The following STARD13 variants were observed in gnomAD, a reference collection of about 807,000 sequenced individuals.
STARD13 encodes the protein StAR related lipid transfer domain containing 13.
In STARD13, 62 loss-of-function variants were observed where a neutral mutation model predicts 106.4. The ratio of observed to expected loss-of-function variants is 0.58; its 90% CI spans 0.48 to 0.72. The LOEUF (loss-of-function observed/expected upper bound fraction) is 0.72, where lower values mean the gene tolerates loss of function less well. STARD13 is among the 30% of genes least tolerant of loss of function. The pLI is 0.00. For missense variants in STARD13, 1,387 were observed against 1,424.0 expected (o/e 0.97, Z 0.42); for synonymous variants, 565 against 553.0 (o/e 1.02, Z -0.31).
chr13:33,621,834 C>T, the STARD13 span, among the ~76,000 whole-genome samples: 7,061 of 149,966 alleles, frequency 0.047, 518 homozygotes, highest in African/African-American at 0.16. Context: ...GACGAAGTCT[C>T]GCTCTTGTCA....
At chr13:33,613,079 C>G in the STARD13 span, among the ~76,000 whole-genome samples, 1 of 152,194 alleles carries the variant, frequency 6.6e-6, no homozygotes, top group Non-Finnish European at 1.5e-5. Flanking sequence ...CTGCTGCATC[C>G]TGGCATGCAC....
At chr13:33,119,967 T>A (rs1407235991) in intron 7 of STARD13, among the ~76,000 whole-genome samples, 1 of 152,178 alleles carries the variant, frequency 6.6e-6, no homozygotes, top group Non-Finnish European at 1.5e-5. Flanking sequence ...GGTGAGTGAT[T>A]ATTGGGGTGA....
the STARD13 span, among the ~76,000 whole-genome samples, chr13:33,635,804 G>A: frequency 1.3e-5 from 2 of 149,768 alleles, no homozygotes; most frequent in African/African-American, 2.5e-5. Flanking sequence ...CCAATGTGGC[G>A]ACACCCCGTC....
At chr13:33,333,923 C>T (rs2077865393) in intron 1 of STARD13, 1 of 152,160 alleles carries the variant, frequency 6.6e-6, no homozygotes, top group South Asian at 2.1e-4. Context: ...TCAAACTTGT[C>T]ACTAAGGAGA....
At chr13:33,363,212 C>T in the STARD13 span, among the ~76,000 whole-genome samples, 2 of 152,208 alleles carry the variant, frequency 1.3e-5, no homozygotes, top group Non-Finnish European at 2.9e-5. Flanking sequence ...CTTAATCAGT[C>T]CTTTTTCTTG....
the STARD13 span, among the ~76,000 whole-genome samples, chr13:33,421,477 C>T: frequency 6.6e-6 from 1 of 152,110 alleles, no homozygotes; most frequent in Non-Finnish European, 1.5e-5. Flanking sequence ...CAAAAAATGT[C>T]CAGGACCAGA....
At chr13:33,461,579 C>A in the STARD13 span, among the ~76,000 whole-genome samples, 2 of 152,100 alleles carry the variant, frequency 1.3e-5, no homozygotes, top group Non-Finnish European at 2.9e-5. Flanking sequence ...GGTATTTTTG[C>A]CTGCTAGGAA....
At chr13:33,610,527 G>T in the STARD13 span, among the ~76,000 whole-genome samples, 1 of 152,204 alleles carries the variant, frequency 6.6e-6, no homozygotes, top group Non-Finnish European at 1.5e-5. Context: ...CTGCGCCTGC[G>T]CTGAGCCTCC....
chr13:33,521,237 T>A, the STARD13 span, among the ~76,000 whole-genome samples: 1 of 152,114 alleles, frequency 6.6e-6, no homozygotes, highest in Non-Finnish European at 1.5e-5. Context: ...AATTTATGGC[T>A]GAAATAGGGT....
At chr13:33,442,398 A>G in the STARD13 span, among the ~76,000 whole-genome samples, 1 of 152,252 alleles carries the variant, frequency 6.6e-6, no homozygotes, top group Non-Finnish European at 1.5e-5. Flanking sequence ...TGAAAGTCAG[A>G]TTACTTGATT....
chr13:33,262,562 C>A (rs1414873802), intron 1 of STARD13, among the ~76,000 whole-genome samples: 1 of 151,838 alleles, frequency 6.6e-6, no homozygotes, highest in Non-Finnish European at 1.5e-5. Flanking sequence ...ACAATTATCT[C>A]CAAAATTACA....
the STARD13 span, among the ~76,000 whole-genome samples, chr13:33,540,284 G>A: frequency 2.6e-5 from 4 of 152,138 alleles, no homozygotes; most frequent in African/African-American, 7.2e-5. Context: ...TCCTTAAGTC[G>A]AGAACTTTCA....
At chr13:33,163,589 CAAA>C (rs577772737) in intron 3 of STARD13, among the ~76,000 whole-genome samples, 1,949 of 53,636 alleles carry the variant, frequency 0.036, 46 homozygotes, top group East Asian at 0.085. Flanking sequence ...GACTCTGTCT[CAAA>C]AAAAAAAAAA....
chr13:33,162,046 T>C (rs1211229125), intron 3 of STARD13, among the ~76,000 whole-genome samples: 1 of 152,140 alleles, frequency 6.6e-6, no homozygotes, highest in Non-Finnish European at 1.5e-5. Context: ...CAAGATGAGA[T>C]TTGGGTGGGG....
the STARD13 span, among the ~76,000 whole-genome samples, chr13:33,608,979 G>A: frequency 1.1e-4 from 17 of 150,800 alleles, no homozygotes; most frequent in Admixed American, 2.6e-4. Context: ...CCAGCTACTC[G>A]GGAGGCTGAG....
chr13:33,568,164 C>T, the STARD13 span, among the ~76,000 whole-genome samples: 2 of 148,114 alleles, frequency 1.4e-5, 1 homozygote, highest in African/African-American at 4.9e-5. Context: ...TTATTCTGCA[C>T]TATAAATCCT....
chr13:33,209,227 G>A (rs1170750117), intron 1 of STARD13, among the ~76,000 whole-genome samples: 2 of 152,146 alleles, frequency 1.3e-5, no homozygotes, highest in Non-Finnish European at 2.9e-5. Context: ...CTACGCAAAT[G>A]TATATGGTGT....
intron 1 of STARD13, among the ~76,000 whole-genome samples, chr13:33,234,081 T>C (rs1261390686): frequency 6.6e-6 from 1 of 152,218 alleles, no homozygotes; most frequent in Non-Finnish European, 1.5e-5. Context: ...TGTACATATG[T>C]GGCTTATAGC....
intron 1 of STARD13, among the ~76,000 whole-genome samples, chr13:33,236,501 A>G (rs1235299531): frequency 6.6e-6 from 1 of 152,220 alleles, no homozygotes; most frequent in Non-Finnish European, 1.5e-5. Flanking sequence ...GCCTTTGTAC[A>G]TATGCAAAGA....
Sources: gnomAD v4.1 joint callset for allele counts (sites outside exome capture counted in the v4.1 genomes callset) on GRCh38, gnomAD v4.1.1 for gene constraint, MANE v1.5 for transcripts, NCBI Gene and HGNC (gene_info 2026-07-23, HGNC 2026-07-21) for gene names.